Variants in ANKMY2 observed in about 807,000 individuals in gnomAD.
ANKMY2 encodes ankyrin repeat and MYND domain-containing protein 2.
A neutral mutation model predicts 50.4 loss-of-function variants in ANKMY2; 36 were observed. The observed-to-expected ratio is 0.71, with a 90% CI of 0.55 to 0.94. The LOEUF (loss-of-function observed/expected upper bound fraction) is 0.94. Among genes scored for constraint, ANKMY2 ranks in the 40% least tolerant of loss-of-function variants. The pLI is 0.00. For missense variants in ANKMY2, 565 were observed against 524.0 expected (o/e 1.08, Z -0.76); for synonymous variants, 187 against 178.8 (o/e 1.05, Z -0.36).
chr7:16,617,557 T>A (rs1253340044), intron 4 of ANKMY2, among the ~76,000 whole-genome samples: 1 of 152,184 alleles, frequency 6.6e-6, no homozygotes, highest in Admixed American at 6.5e-5. Flanking sequence ...TTAAGCAGAT[T>A]CAATTATAAT....
intron 1 of ANKMY2, among the ~76,000 whole-genome samples, chr7:16,640,977 T>C (rs1781737059): frequency 6.6e-6 from 1 of 152,242 alleles, no homozygotes; most frequent in Non-Finnish European, 1.5e-5. Flanking sequence ...TTAAAGTGCC[T>C]TAATTTTAAA....
intron 5 of ANKMY2, among the ~76,000 whole-genome samples, chr7:16,615,446 T>C (rs113675341): frequency 1.9e-3 from 294 of 152,092 alleles, no homozygotes; most frequent in African/African-American, 6.7e-3. Flanking sequence ...TTCCTTTGCC[T>C]CTCTGGAGCC....
At position 16,627,033 on chromosome 7, in the gene ANKMY2, A is replaced by C. The variant is rs1399234019; in HGVS notation, c.271+7T>G. 6 of 1,591,848 alleles carry C rather than the reference A, an allele frequency of 3.8e-6. No individual in the cohort carries two copies. Among genetic ancestry groups the C allele is most frequent in the Non-Finnish European group, 5.1e-6 (6 of 1,170,600 alleles). ...GTAACTTATATTTATAAATACTAAA[A>C]CTTCACCAGAAAGTGCAGCAAACAT... is the stretch of plus-strand genomic sequence containing the variant. On this transcript the variant is annotated splice_region_variant and intron_variant, in intron 3 of 9. Transcript: ENST00000306999.
Position 16,600,918 on chromosome 7 carries a change from CAGTT to C in ANKMY2, c.1165_1168del (p.Asn389ValfsTer11). On this transcript the variant is annotated frameshift_variant, in exon 10 of 10. Coordinates refer to ENST00000306999, the MANE Select transcript of ANKMY2 (RefSeq NM_020319.3). LOFTEE classifies it high-confidence loss of function. ...AGCCTCTGGTTGCTCTTCATTAACA[CAGTT>C]AGAATTGACATCAAGTTTGCCGTCT... 1.2e-6 allele frequency: 2 copies of C among 1,600,206 alleles called. No individual in the cohort carries two copies. The highest frequency in any genetic ancestry group is 1.3e-5 in the African/African-American group (1 of 74,322).
At chr7:16,645,435 G>T in intron 1 of ANKMY2, 72 bp downstream of exon 1, 1 of 1,462,016 alleles carries the variant, frequency 6.8e-7, no homozygotes, top group Non-Finnish European at 9.2e-7. Flanking sequence ...CCCAGGCCAG[G>T]AGCGCCCCCC....
At chr7:16,609,527 T>C (rs925758875) in intron 7 of ANKMY2, 103 bp downstream of exon 7, 2 of 1,277,322 alleles carry the variant, frequency 1.6e-6, no homozygotes, top group Non-Finnish European at 2.1e-6. Context: ...AAAAATATTC[T>C]GAAATAATAA....
Position 16,616,577 on chromosome 7 carries a change from C to A in ANKMY2, c.371-673G>T, listed in dbSNP as rs1019356715. On this transcript the variant is annotated intron_variant, in intron 4 of 9. Coordinates refer to ENST00000306999, the MANE Select transcript of ANKMY2 (RefSeq NM_020319.3). ...TGCAAGTGTGCTCCTGCGGCGCCCC[C>A]CCCTCCCTAGCTCCCTCTCCACTAC... Among the ~76,000 whole-genome samples the A allele has an allele frequency of 3.9e-5, 6 of 152,032 alleles. No individual in the cohort carries two copies. The East Asian group carries it at 9.7e-4, about 24-fold the overall frequency.
chr7:16,613,920 C>CAAA (rs143274762), intron 5 of ANKMY2, among the ~76,000 whole-genome samples: 22 of 111,874 alleles, frequency 2.0e-4, no homozygotes, highest in African/African-American at 5.0e-4. Context: ...GACCCTATCT[C>CAAA]AAAAAAAAAA....
intron 7 of ANKMY2, among the ~76,000 whole-genome samples, chr7:16,609,330 G>A (rs187272900): frequency 6.6e-6 from 1 of 152,238 alleles, no homozygotes; most frequent in East Asian, 1.9e-4. Flanking sequence ...GTGTACATGT[G>A]TGTACCTATA....
At chr7:16,619,155 CT>C (rs201354944) in intron 4 of ANKMY2, among the ~76,000 whole-genome samples, 2,973 of 142,862 alleles carry the variant, frequency 0.021, 69 homozygotes, top group African/African-American at 0.062. Flanking sequence ...TTTATTATAC[CT>C]TTTTTTTTTT....
rs568179666 is a variant in ANKMY2 at position 16,617,525 on chromosome 7, C to T, written c.371-1621G>A. 1.6e-4 allele frequency among the ~76,000 whole-genome samples: 24 copies of T among 152,252 alleles called. No individual in the cohort carries two copies. The East Asian group carries it at 4.6e-3, about 29-fold the overall frequency. On this transcript the variant is annotated intron_variant, in intron 4 of 9. Coordinates refer to ENST00000306999, the MANE Select transcript of ANKMY2 (RefSeq NM_020319.3). ...ACATTTACCATAACAATAACTACCACAACTACAGCTAATAAATGCACTTAA... is the reference window on the plus strand; with the variant it reads ...ACATTTACCATAACAATAACTACCATAACTACAGCTAATAAATGCACTTAA...
intron 1 of ANKMY2, chr7:16,644,614 C>T: frequency 2.2e-6 from 1 of 447,750 alleles, no homozygotes; most frequent in Non-Finnish European, 4.6e-6. Context: ...CATTAATTGC[C>T]CGGAGTCGCA....
chr7:16,620,355 T>C (rs1366297031), intron 4 of ANKMY2, among the ~76,000 whole-genome samples: 1 of 152,058 alleles, frequency 6.6e-6, no homozygotes, highest in African/African-American at 2.4e-5. Flanking sequence ...CTAGACTCTC[T>C]CAGCAAAGTC....
chr7:16,630,491 C>A (rs1055924187), intron 2 of ANKMY2, among the ~76,000 whole-genome samples: 1 of 152,174 alleles, frequency 6.6e-6, no homozygotes, highest in Admixed American at 6.5e-5. Flanking sequence ...AATAAAGTTC[C>A]TCTCCCATAA....
chr7:16,616,565 C>G (rs1432063820), intron 4 of ANKMY2, among the ~76,000 whole-genome samples: 1 of 102,964 alleles, frequency 9.7e-6, no homozygotes, highest in South Asian at 3.3e-4. Flanking sequence ...AAGTGTGCTC[C>G]TGCGGCGCCC....
chr7:16,608,875 C>T lies in ANKMY2; in HGVS notation c.882+755G>A, dbSNP rs1336127159. On this transcript the variant is annotated intron_variant, in intron 7 of 9. Transcript: ENST00000306999. ...AATTAGCTGGGCGTGGTGGCGCGCACCTATAGTCCCAGCCACTCAGGAGGC... is the reference window on the plus strand; with the variant it reads ...AATTAGCTGGGCGTGGTGGCGCGCATCTATAGTCCCAGCCACTCAGGAGGC... 2.0e-5 allele frequency among the ~76,000 whole-genome samples: 3 copies of T among 152,024 alleles called. No individual in the cohort carries two copies. In the East Asian group the frequency reaches 5.8e-4, roughly 29 times the overall value.
At chr7:16,601,172 A>C (rs1028742835) in intron 9 of ANKMY2, among the ~76,000 whole-genome samples, 4 of 152,234 alleles carry the variant, frequency 2.6e-5, no homozygotes, top group African/African-American at 9.6e-5. Context: ...ATTTGAACTC[A>C]GGCCGCTGGC....
At chr7:16,641,828 A>G (rs1251988523) in intron 1 of ANKMY2, among the ~76,000 whole-genome samples, 1 of 152,244 alleles carries the variant, frequency 6.6e-6, no homozygotes, top group Admixed American at 6.5e-5. Flanking sequence ...TTCTACTAAT[A>G]TAAAATTCTA....
intron 3 of ANKMY2, among the ~76,000 whole-genome samples, chr7:16,625,605 C>A (rs577851764): frequency 6.6e-6 from 1 of 152,230 alleles, no homozygotes; most frequent in South Asian, 2.1e-4. Context: ...CTATTATGAA[C>A]TATACTCAGT....
Sources: allele counts gnomAD v4.1 joint callset (sites outside exome capture counted in the v4.1 genomes callset), GRCh38; gene constraint gnomAD v4.1.1; transcripts MANE v1.5; gene names NCBI Gene and HGNC (gene_info 2026-07-23, HGNC 2026-07-21).